The following DGKI variants were observed in gnomAD, a reference collection of about 807,000 sequenced individuals.
The protein encoded by DGKI is diacylglycerol kinase iota.
DGKI carries 55 observed loss-of-function variants against 147.5 expected under a neutral mutation model. The ratio of observed to expected loss-of-function variants is 0.37; its 90% CI spans 0.30 to 0.47. The LOEUF (loss-of-function observed/expected upper bound fraction) is 0.47. Among genes scored for constraint, DGKI ranks in the 20% least tolerant of loss-of-function variants. The pLI is 1.00. For synonymous variants in DGKI, 469 were observed against 477.1 expected, an observed-to-expected ratio of 0.98 and a Z score of 0.22; for missense variants, 1,007 against 1,323.8, an observed-to-expected ratio of 0.76 and a Z score of 3.71.
intron 3 of DGKI, among the ~76,000 whole-genome samples, chr7:137,673,254 A>G (rs1247357695): frequency 6.6e-6 from 1 of 152,112 alleles, no homozygotes; most frequent in African/African-American, 2.4e-5. Context: ...GGAGTACACT[A>G]TTTAGCCCAT....
At chr7:137,572,922 C>G in intron 17 of DGKI, 84 bp from the exon 18 acceptor site, 2 of 912,562 alleles carry the variant, frequency 2.2e-6, no homozygotes, top group Non-Finnish European at 1.7e-6. Flanking sequence ...GACAATAGTA[C>G]ACACCATGGT....
intron 21 of DGKI, among the ~76,000 whole-genome samples, chr7:137,504,975 G>A (rs372071825): frequency 3.3e-5 from 5 of 151,924 alleles, no homozygotes; most frequent in African/African-American, 4.8e-5. Context: ...TGCAAAACAC[G>A]TATCTGATAA....
intron 6 of DGKI, among the ~76,000 whole-genome samples, chr7:137,631,469 T>A (rs114214627): frequency 0.015 from 2,213 of 152,236 alleles, 28 homozygotes; most frequent in South Asian, 0.036. Flanking sequence ...ATGTGCCTGA[T>A]CAGGGAAGGT....
intron 20 of DGKI, among the ~76,000 whole-genome samples, chr7:137,549,756 T>A (rs1018822795): frequency 6.6e-6 from 1 of 152,194 alleles, no homozygotes; most frequent in African/African-American, 2.4e-5. Flanking sequence ...AACTTGAAAC[T>A]CCACTTGGAA....
chr7:137,840,964 T>C (rs1798527318), intron 1 of DGKI, among the ~76,000 whole-genome samples: 1 of 152,252 alleles, frequency 6.6e-6, no homozygotes, highest in South Asian at 2.1e-4. Flanking sequence ...CACTATGCCA[T>C]GTCCTTTAAA....
At chr7:137,475,926 C>G (rs537240618) in intron 23 of DGKI, among the ~76,000 whole-genome samples, 1 of 152,038 alleles carries the variant, frequency 6.6e-6, no homozygotes, top group African/African-American at 2.4e-5. Context: ...AAATAGAAGA[C>G]AGCAGAATAA....
chr7:137,475,919 T>A (rs900396786), intron 23 of DGKI, among the ~76,000 whole-genome samples: 1 of 151,702 alleles, frequency 6.6e-6, no homozygotes, highest in African/African-American at 2.4e-5. Context: ...AAAAAAAAAA[T>A]AGAAGACAGC....
intron 27 of DGKI, among the ~76,000 whole-genome samples, chr7:137,456,324 T>A (rs1814205049): frequency 6.6e-6 from 1 of 152,226 alleles, no homozygotes; most frequent in Non-Finnish European, 1.5e-5. Context: ...ACATATTATT[T>A]TGTTATCACT....
intron 11 of DGKI, among the ~76,000 whole-genome samples, chr7:137,598,293 A>G (rs1269526047): frequency 2.6e-5 from 4 of 152,100 alleles, no homozygotes; most frequent in Non-Finnish European, 1.5e-5. Flanking sequence ...ATTGATAATC[A>G]GTAGTCCTTA....
At chr7:137,425,569 G>C (rs1812766088) in intron 28 of DGKI, among the ~76,000 whole-genome samples, 1 of 152,204 alleles carries the variant, frequency 6.6e-6, no homozygotes, top group African/African-American at 2.4e-5. Flanking sequence ...GACGAGTTGA[G>C]AGAAGAAGGC....
chr7:137,803,517 C>A (rs1251091934), intron 1 of DGKI, among the ~76,000 whole-genome samples: 1 of 152,070 alleles, frequency 6.6e-6, no homozygotes, highest in Non-Finnish European at 1.5e-5. Flanking sequence ...ATGATATTTT[C>A]TTTCTTTTTG....
intron 27 of DGKI, among the ~76,000 whole-genome samples, chr7:137,448,210 G>C (rs1813787761): frequency 6.8e-6 from 1 of 147,068 alleles, no homozygotes; most frequent in East Asian, 2.1e-4. Context: ...ATGCTGATAA[G>C]CAAAAGTTTG....
At chr7:137,413,994 A>C (rs145531766) in intron 28 of DGKI, among the ~76,000 whole-genome samples, 1 of 152,298 alleles carries the variant, frequency 6.6e-6, no homozygotes, top group Non-Finnish European at 1.5e-5. Flanking sequence ...AAAGTCACAA[A>C]GTTTTAGAAG....
chr7:137,562,937 C>G (rs1424584439), intron 19 of DGKI, among the ~76,000 whole-genome samples: 2 of 152,018 alleles, frequency 1.3e-5, no homozygotes, highest in African/African-American at 4.8e-5. Context: ...ACCTTTATAT[C>G]AAAACCCAAT....
intron 6 of DGKI, among the ~76,000 whole-genome samples, chr7:137,640,122 A>T (rs1288069730): frequency 1.3e-5 from 2 of 151,934 alleles, no homozygotes; most frequent in Admixed American, 1.3e-4. Flanking sequence ...GTAGATCTCT[A>T]GGCCTTACTC....
chr7:137,506,018 A>G (rs1816356284), intron 21 of DGKI, among the ~76,000 whole-genome samples: 1 of 152,168 alleles, frequency 6.6e-6, no homozygotes, highest in Non-Finnish European at 1.5e-5. Flanking sequence ...GGAAATAGAA[A>G]ACAGCACAGC....
At chr7:137,541,548 C>A (rs1817704574) in intron 20 of DGKI, among the ~76,000 whole-genome samples, 1 of 152,068 alleles carries the variant, frequency 6.6e-6, no homozygotes, top group Admixed American at 6.6e-5. Context: ...AGTTGAGCAT[C>A]TAGAATCTAA....
intron 28 of DGKI, among the ~76,000 whole-genome samples, chr7:137,436,810 C>T (rs10228240): frequency 0.44 from 65,405 of 149,804 alleles, 14,908 homozygotes; most frequent in East Asian, 0.74. Context: ...AAGAACCAAT[C>T]TGAGTTCTTC....
chr7:137,622,603 G>GA (rs1187169005), intron 7 of DGKI, among the ~76,000 whole-genome samples: 19 of 151,624 alleles, frequency 1.3e-4, no homozygotes, highest in Admixed American at 2.6e-4. Flanking sequence ...ATACATAAAT[G>GA]AAAAAAAACA....
Sources: gnomAD v4.1 joint callset for allele counts (sites outside exome capture counted in the v4.1 genomes callset) on GRCh38, gnomAD v4.1.1 for gene constraint, MANE v1.5 for transcripts, NCBI Gene and HGNC (gene_info 2026-07-23, HGNC 2026-07-21) for gene names.